Variants in DIAPH2 observed in about 807,000 individuals in gnomAD.
DIAPH2 encodes the protein protein diaphanous homolog 2.
DIAPH2 carries 35 observed loss-of-function variants against 92.7 expected under a neutral mutation model. That is an observed-to-expected ratio of 0.38 (90% confidence interval 0.29 to 0.50). DIAPH2 has a LOEUF of 0.50. Ranked by LOEUF, DIAPH2 falls within the 20% of genes least tolerant of loss-of-function variation. The probability of loss-of-function intolerance (pLI) is 0.94; values close to 1 mark genes in which losing one functional copy is unlikely to be tolerated. For synonymous variants in DIAPH2, 301 were observed against 280.4 expected, an observed-to-expected ratio of 1.07 and a Z score of -0.73; for missense variants, 701 against 819.5, an observed-to-expected ratio of 0.86 and a Z score of 1.77.
At chrX:97,458,117 A>G (rs1360533774) in intron 26 of DIAPH2, among the ~76,000 whole-genome samples, 2 of 111,142 alleles carry the variant, frequency 1.8e-5, no homozygotes, top group Non-Finnish European at 3.8e-5. Flanking sequence ...TATTCTGCCA[A>G]TCACACAAAC....
chrX:97,506,057 C>T (rs773853675), intron 26 of DIAPH2, among the ~76,000 whole-genome samples: 3 of 106,777 alleles, frequency 2.8e-5, no homozygotes, highest in Non-Finnish European at 5.8e-5. Context: ...TTACCCAAAC[C>T]AAACCACTGA....
At chrX:96,917,678 G>A (rs1333799865) in intron 8 of DIAPH2, among the ~76,000 whole-genome samples, 2 of 111,111 alleles carry the variant, frequency 1.8e-5, no homozygotes, top group Non-Finnish European at 3.8e-5. Flanking sequence ...TTTAGGCATT[G>A]TGTGGAGATA....
At chrX:96,973,782 A>G (rs1346355413) in intron 17 of DIAPH2, among the ~76,000 whole-genome samples, 16 of 91,936 alleles carry the variant, frequency 1.7e-4, no homozygotes, top group African/African-American at 6.9e-4. Context: ...CTCAACCTCC[A>G]CCTCACGGGT....
chrX:97,469,663 A>G, intron 26 of DIAPH2: 1 of 1,189,450 alleles, frequency 8.4e-7, no homozygotes, highest in Admixed American at 2.2e-5. Context: ...CATTTCAAAT[A>G]ATTTTTCTCT....
chrX:97,003,657 A>AT (rs1265599697), intron 17 of DIAPH2, among the ~76,000 whole-genome samples: 1 of 111,366 alleles, frequency 9.0e-6, no homozygotes, highest in Non-Finnish European at 1.9e-5. Flanking sequence ...GGATTATTAG[A>AT]TTTTTTCCTA....
chrX:97,589,660 A>G (rs1161299554), intron 26 of DIAPH2, among the ~76,000 whole-genome samples: 1 of 112,089 alleles, frequency 8.9e-6, no homozygotes, highest in Admixed American at 9.5e-5. Context: ...ATGATGATCT[A>G]GCTTTATACA....
chrX:96,707,879 G>C (rs960127839), intron 1 of DIAPH2, among the ~76,000 whole-genome samples: 1 of 111,385 alleles, frequency 9.0e-6, no homozygotes, highest in Non-Finnish European at 1.9e-5. Context: ...ATTCTAAAAA[G>C]TGTTTGCAAG....
At chrX:97,463,043 G>A (rs1306189871) in intron 26 of DIAPH2, among the ~76,000 whole-genome samples, 1 of 111,042 alleles carries the variant, frequency 9.0e-6, no homozygotes, top group Non-Finnish European at 1.9e-5. Context: ...AGAGGCTCAA[G>A]GGAATTCAGG....
chrX:97,242,566 A>C (rs915286170), intron 22 of DIAPH2, among the ~76,000 whole-genome samples: 3 of 108,936 alleles, frequency 2.8e-5, no homozygotes, highest in African/African-American at 1.0e-4. Context: ...GGGTTTCACC[A>C]TGTTGGCCAT....
intron 25 of DIAPH2, among the ~76,000 whole-genome samples, chrX:97,394,306 A>T (rs1261614757): frequency 8.9e-6 from 1 of 111,917 alleles, no homozygotes; most frequent in Non-Finnish European, 1.9e-5. Flanking sequence ...CATAGATGCT[A>T]ATACAAAGTA....
chrX:96,811,947 T>G (rs1394105718), intron 4 of DIAPH2, among the ~76,000 whole-genome samples: 1 of 111,894 alleles, frequency 8.9e-6, no homozygotes. Context: ...GATTTTTGCA[T>G]CGATGTTCAT....
chrX:96,890,764 G>A (rs1372558664), intron 5 of DIAPH2, among the ~76,000 whole-genome samples: 1 of 112,173 alleles, frequency 8.9e-6, no homozygotes, highest in Non-Finnish European at 1.9e-5. Flanking sequence ...TCACTCAGGT[G>A]ATAAAGGCTC....
intron 4 of DIAPH2, among the ~76,000 whole-genome samples, chrX:96,834,144 C>T (rs751225687): frequency 4.5e-5 from 5 of 111,672 alleles, no homozygotes; most frequent in African/African-American, 6.5e-5. Context: ...ATGCTACTCA[C>T]CATATAAAGG....
Position 96,694,323 on chromosome X carries a change from G to A in DIAPH2, c.132+9133G>A, listed in dbSNP as rs776817470. ...ATAATTGTTTCACAGAGTTTTATAT[G>A]GTTACGCATTATCTAGGCTGCATTT... On this transcript the variant is annotated intron_variant, in intron 1 of 26. Transcript: ENST00000324765. Among the ~76,000 whole-genome samples the A allele has an allele frequency of 1.4e-4, 15 of 109,057 alleles. No individual in the cohort carries two copies. In the East Asian group the frequency reaches 4.3e-3, roughly 31 times the overall value. 94.7% of individuals were successfully genotyped at this position (109,057 alleles called of 115,157 possible).
rs55778849 is a variant in DIAPH2, at chrX:97,274,006, GGTGTGTGTGTGTGTGTGT to G, written c.2844+26198_2844+26215del. ...AACTTTAACAGCAAATAAAACTAGC[GGTGTGTGTGTGTGTGTGT>G]GTGTGTGTGTGTGTGTGTGTGTGTG... On this transcript the variant is annotated intron_variant, in intron 23 of 26. Transcript: ENST00000324765. 5.7e-3 allele frequency among the ~76,000 whole-genome samples: 492 copies of G among 86,721 alleles called. 2 individuals are homozygous for G. Among genetic ancestry groups the G allele is most frequent in the Non-Finnish European group, 9.2e-3 (409 of 44,604 alleles). The allele number at this position is 86,721 out of a possible 115,157, so 75.3% of individuals were successfully genotyped here. A position where few individuals can be genotyped will look rare whatever the true frequency, so the allele number is the denominator to read the frequency against.
At chrX:97,219,730 A>G (rs746520849) in intron 22 of DIAPH2, among the ~76,000 whole-genome samples, 1 of 111,796 alleles carries the variant, frequency 8.9e-6, no homozygotes, top group South Asian at 3.7e-4. Flanking sequence ...CTGAAGAGAA[A>G]CTACCCTGGC....
At chrX:97,052,172 C>T (rs1226773216) in intron 17 of DIAPH2, among the ~76,000 whole-genome samples, 1 of 110,974 alleles carries the variant, frequency 9.0e-6, no homozygotes, top group African/African-American at 3.3e-5. Flanking sequence ...GGAATGAGAG[C>T]AGGGAAGACA....
intron 23 of DIAPH2, among the ~76,000 whole-genome samples, chrX:97,256,853 C>T (rs1271378451): frequency 9.0e-6 from 1 of 110,583 alleles, no homozygotes; most frequent in Admixed American, 9.7e-5. Context: ...TTAGTAGAGA[C>T]GGAGTTTCAC....
At chrX:97,170,371 G>A (rs1387615406) in intron 22 of DIAPH2, among the ~76,000 whole-genome samples, 3 of 112,083 alleles carry the variant, frequency 2.7e-5, no homozygotes, top group Admixed American at 9.5e-5. Flanking sequence ...AGCAATGACC[G>A]GAGAAATAAA....
Sources: gnomAD v4.1 joint callset for allele counts (sites outside exome capture counted in the v4.1 genomes callset) on GRCh38, gnomAD v4.1.1 for gene constraint, MANE v1.5 for transcripts, NCBI Gene and HGNC (gene_info 2026-07-23, HGNC 2026-07-21) for gene names.